Variants in SHISAL2A observed in about 807,000 individuals in gnomAD.
SHISAL2A encodes shisa like 2A, also known as protein shisa-like-2A.
In SHISAL2A, 18 loss-of-function variants were observed where a neutral mutation model predicts 11.5. The observed-to-expected ratio is 1.57, with a 90% CI of 1.08 to 2.33. The LOEUF (loss-of-function observed/expected upper bound fraction) is 2.33, where lower values mean the gene tolerates loss of function less well. Ranked by LOEUF, SHISAL2A falls within the 30% of genes most tolerant of loss-of-function variation. The pLI, the probability that SHISAL2A is intolerant of heterozygous loss-of-function variation, is 0.00. For missense variants in SHISAL2A, 261 were observed against 250.9 expected (o/e 1.04, Z -0.27); for synonymous variants, 94 against 99.6 (o/e 0.94, Z 0.34).
intron 1 of SHISAL2A, among the ~76,000 whole-genome samples, chr1:52,635,835 T>C (rs113483197): frequency 6.6e-6 from 1 of 152,262 alleles, no homozygotes; most frequent in African/African-American, 2.4e-5. Context: ...ATTCCTCTTA[T>C]AGTTAACTTG....
At chr1:52,661,354 A>G (rs1295418485), downstream of SHISAL2A, among the ~76,000 whole-genome samples, 1 of 152,228 alleles carries the variant, frequency 6.6e-6, no homozygotes, top group South Asian at 2.1e-4. Context: ...TCAGAAGTCT[A>G]AAGGACAGTG....
intron 2 of SHISAL2A, among the ~76,000 whole-genome samples, chr1:52,644,137 C>T (rs969806342): frequency 2.0e-5 from 3 of 151,916 alleles, no homozygotes; most frequent in African/African-American, 7.3e-5. Flanking sequence ...ATCTGTCTGC[C>T]TCGAGTCACC....
chr1:52,653,550 C>T (rs1024738487), intron 2 of SHISAL2A, among the ~76,000 whole-genome samples: 1 of 151,840 alleles, frequency 6.6e-6, no homozygotes, highest in Non-Finnish European at 1.5e-5. Context: ...TCAAGGCTCA[C>T]TTGTAAGCTA....
chr1:52,659,938 T>G (rs1691871373), downstream of SHISAL2A, among the ~76,000 whole-genome samples: 1 of 152,134 alleles, frequency 6.6e-6, no homozygotes, highest in Non-Finnish European at 1.5e-5. Flanking sequence ...GCTAAAGTGG[T>G]CATCCGCGGC....
intron 2 of SHISAL2A, among the ~76,000 whole-genome samples, chr1:52,646,763 A>G (rs1691510468): frequency 6.6e-6 from 1 of 151,938 alleles, no homozygotes; most frequent in Non-Finnish European, 1.5e-5. Flanking sequence ...TTCTCAGTCT[A>G]TTTAGTGCCA....
upstream of SHISAL2A, among the ~76,000 whole-genome samples, chr1:52,632,924 T>A (rs959269024): frequency 4.6e-5 from 7 of 151,796 alleles, no homozygotes; most frequent in Admixed American, 3.3e-4. Flanking sequence ...TTGCGGAGGT[T>A]GGGTGAGGTT....
chr1:52,665,889 G>A (rs907083145), intron 4 of SHISAL2A, among the ~76,000 whole-genome samples: 2 of 152,174 alleles, frequency 1.3e-5, no homozygotes, highest in Admixed American at 6.5e-5. Flanking sequence ...CATGTATTCC[G>A]ATGGAGCTGC....
At chr1:52,665,768 T>C (rs1691999644) in intron 4 of SHISAL2A, among the ~76,000 whole-genome samples, 1 of 151,854 alleles carries the variant, frequency 6.6e-6, no homozygotes, top group South Asian at 2.1e-4. Context: ...CCAGATCACA[T>C]GGAAGCTGCA....
intron 2 of SHISAL2A, among the ~76,000 whole-genome samples, chr1:52,651,690 C>T (rs1571694131): frequency 6.6e-6 from 1 of 152,150 alleles, no homozygotes; most frequent in South Asian, 2.1e-4. Context: ...AAAGGTTTTA[C>T]AGGGACCAAG....
At chr1:52,638,022 C>CT (rs1454087389) in intron 1 of SHISAL2A, among the ~76,000 whole-genome samples, 3 of 152,196 alleles carry the variant, frequency 2.0e-5, no homozygotes, top group African/African-American at 7.2e-5. Context: ...GCAGTACATT[C>CT]ACCATGGAAC....
At chr1:52,662,977 A>C (rs753353873) in intron 4 of SHISAL2A, among the ~76,000 whole-genome samples, 1 of 152,176 alleles carries the variant, frequency 6.6e-6, no homozygotes, top group South Asian at 2.1e-4. Flanking sequence ...CTTATCTCCA[A>C]GGAGGCCTTT....
chr1:52,658,581 A>C (rs1290456081), downstream of SHISAL2A, among the ~76,000 whole-genome samples: 1 of 152,232 alleles, frequency 6.6e-6, no homozygotes, highest in Non-Finnish European at 1.5e-5. Context: ...GGAAGGACTA[A>C]ATTACTAAGT....
rs1691404924 is a variant in SHISAL2A, at chr1:52,642,985, T to C, written c.305T>C (p.Leu102Ser). The change falls in exon 2 of 3, where the codon TTG becomes TCG. Residue 102 changes from leucine to serine, a missense_variant. Leu to Ser is a moderately radical substitution (Grantham distance 145). Coordinates refer to ENST00000517870, the MANE Select transcript of SHISAL2A (RefSeq NM_001042693.3). The stretch of plus-strand genomic sequence containing the variant: ...CCCCACACAAAGTTGGACCTGGGCT[T>C]GAGCTTACAGACAGCAGGTAAGGAA... Reference protein sequence around the residue: ...SKPHTKLDLGLSLQTAGPEEV... With the variant: ...SKPHTKLDLGSSLQTAGPEEV... 6.2e-7 allele frequency: 1 copy of C among 1,614,142 alleles called. No homozygotes were observed. The highest frequency in any genetic ancestry group is 2.2e-5 in the East Asian group (1 of 44,890).
At chr1:52,650,856 G>A (rs1360132507) in intron 2 of SHISAL2A, among the ~76,000 whole-genome samples, 3 of 151,546 alleles carry the variant, frequency 2.0e-5, no homozygotes, top group Admixed American at 2.0e-4. Context: ...TGTTAGCCAG[G>A]CTGGTCTTGA....
chr1:52,653,998 C>T (rs141999508), intron 2 of SHISAL2A, among the ~76,000 whole-genome samples: 123 of 152,266 alleles, frequency 8.1e-4, no homozygotes, highest in African/African-American at 2.8e-3. Context: ...GGACTTGAGC[C>T]AAGGTCTTGT....
At chr1:52,664,503 G>C (rs1439104965) in intron 4 of SHISAL2A, among the ~76,000 whole-genome samples, 2 of 151,764 alleles carry the variant, frequency 1.3e-5, no homozygotes, top group Non-Finnish European at 2.9e-5. Flanking sequence ...TTACAGGCGT[G>C]TGCCACCATG....
Position 52,633,427 on chromosome 1 carries a change from C to T in SHISAL2A, c.-67C>T. On this transcript the variant is annotated 5_prime_UTR_variant, in exon 1 of 3. Transcript: ENST00000517870. This position sits in a 1 kb window ranked among gnomAD's most constrained non-coding sequence, Gnocchi z 6.4. ...CAGCTCCGTCTCGCTCGGTCCCTCG[C>T]TTCCCCGCCGGGCTCTAGCCGGCCG... is the stretch of plus-strand genomic sequence containing the variant. 7.4e-7 allele frequency: 1 copy of T among 1,358,870 alleles called. No individual in the cohort carries two copies. The highest frequency in any genetic ancestry group is 9.6e-7 in the Non-Finnish European group (1 of 1,045,966). 84.2% of individuals were successfully genotyped at this position (1,358,870 alleles called of 1,614,324 possible).
intron 2 of SHISAL2A, among the ~76,000 whole-genome samples, chr1:52,645,094 G>A (rs1691469277): frequency 2.0e-5 from 3 of 152,012 alleles, no homozygotes; most frequent in African/African-American, 7.2e-5. Context: ...GGGCAAGGTG[G>A]GTAGTAGCTA....
chr1:52,641,790 T>A (rs520872), intron 1 of SHISAL2A, among the ~76,000 whole-genome samples: 50,914 of 151,164 alleles, frequency 0.34, 11,472 homozygotes, highest in African/African-American at 0.62. Flanking sequence ...TTCTTTTTTT[T>A]AAAAAAAGAG....
Sources: gnomAD v4.1 joint callset for allele counts (sites outside exome capture counted in the v4.1 genomes callset) on GRCh38, gnomAD v4.1.1 for gene constraint, Gnocchi (gnomAD v3.1) non-coding constraint, MANE v1.5 for transcripts, NCBI Gene and HGNC (gene_info 2026-07-23, HGNC 2026-07-21) for gene names.